The following ABCC6 variants were observed in gnomAD, a reference collection of about 807,000 sequenced individuals.
ABCC6 encodes ATP-binding cassette sub-family C member 6.
In ABCC6, 126 loss-of-function variants were observed where a neutral mutation model predicts 169.5. The observed-to-expected ratio is 0.74, with a 90% CI of 0.64 to 0.86. ABCC6 has a LOEUF of 0.86. Ranked by LOEUF, ABCC6 falls within the 40% of genes least tolerant of loss-of-function variation. The probability of loss-of-function intolerance (pLI) is 0.00; values close to 1 mark genes in which losing one functional copy is unlikely to be tolerated. For synonymous variants in ABCC6, 752 were observed against 814.7 expected, an observed-to-expected ratio of 0.92 and a Z score of 1.31; for missense variants, 1,733 against 1,927.2, an observed-to-expected ratio of 0.90 and a Z score of 1.89.
intron 27 of ABCC6, 78 bp downstream of exon 27, chr16:16,157,585 G>A: frequency 6.3e-7 from 1 of 1,581,278 alleles, no homozygotes; most frequent in Non-Finnish European, 8.6e-7. Flanking sequence ...GGTGGCTGGT[G>A]CCCAGGGTTT....
chr16:16,204,357 C>T (rs1275641323), intron 7 of ABCC6, among the ~76,000 whole-genome samples: 1 of 152,100 alleles, frequency 6.6e-6, no homozygotes, highest in East Asian at 1.9e-4. Context: ...CACCTGGCCT[C>T]TCATGTACTT....
chr16:16,152,048 C>T (rs541253480), intron 29 of ABCC6, among the ~76,000 whole-genome samples: 7 of 151,736 alleles, frequency 4.6e-5, no homozygotes, highest in African/African-American at 9.7e-5. Flanking sequence ...AAAAATTAGC[C>T]GGGCGTGGTG....
At chr16:16,213,452 T>A (rs974861010) in intron 5 of ABCC6, among the ~76,000 whole-genome samples, 4 of 152,124 alleles carry the variant, frequency 2.6e-5, no homozygotes, top group Non-Finnish European at 5.9e-5. Context: ...AAAGAATTGT[T>A]TCTTGATTTC....
At chr16:16,192,643 G>A (rs908367430) in intron 11 of ABCC6, among the ~76,000 whole-genome samples, 187 bp downstream of exon 11, 1 of 152,148 alleles carries the variant, frequency 6.6e-6, no homozygotes, top group Non-Finnish European at 1.5e-5. Flanking sequence ...TGGAGGGACG[G>A]AGCCACTGTC....
At position 16,192,888 on chromosome 16, in the gene ABCC6, A is replaced by G; in HGVS notation, c.1373T>C (p.Val458Ala). Residue 458 changes from valine to alanine, a missense_variant, in exon 11 of 31, where the codon GTC (valine) becomes GCC (alanine). By Grantham distance (64) the Val-to-Ala change is moderately conservative (BLOSUM62 0). Coordinates refer to ENST00000205557, the MANE Select transcript of ABCC6 (RefSeq NM_001171.6). The part of the protein sequence containing the change: ...LGPSALTAIA[V>A]FLSLLPLNFF... Reference sequence around the variant, plus strand: ...ATTCAGAGGGAGGAGGCTCAGGAAGACAGCGATGGCAGTGAGGGCGGAGGG... The same window carrying G: ...ATTCAGAGGGAGGAGGCTCAGGAAGGCAGCGATGGCAGTGAGGGCGGAGGG... 6.2e-7 allele frequency: 1 copy of G among 1,614,152 alleles called. No individual in the cohort carries two copies. Among genetic ancestry groups the G allele is most frequent in the Non-Finnish European group, 8.5e-7 (1 of 1,180,024 alleles).
chr16:16,171,320 G>A (rs2047058418), intron 21 of ABCC6, among the ~76,000 whole-genome samples: 1 of 152,140 alleles, frequency 6.6e-6, no homozygotes, highest in African/African-American at 2.4e-5. Context: ...CTGGCCTCAA[G>A]CAATCCTCCT....
chr16:16,214,770 A>G (rs1567543974), intron 4 of ABCC6, among the ~76,000 whole-genome samples: 2 of 152,052 alleles, frequency 1.3e-5, no homozygotes, highest in Non-Finnish European at 2.9e-5. Flanking sequence ...ATGCCTGGCT[A>G]ACTTTTTTAA....
At chr16:16,198,276 A>G (rs12935658) in intron 9 of ABCC6, 94 bp from the exon 10 acceptor site, 570,718 of 1,388,578 alleles carry the variant, frequency 0.41, 120,095 homozygotes, top group Admixed American at 0.45. Flanking sequence ...CCCACCTCAC[A>G]CGTCTGCGAG....
chr16:16,166,945 G>C (rs955980852), intron 22 of ABCC6, among the ~76,000 whole-genome samples: 8 of 152,058 alleles, frequency 5.3e-5, no homozygotes, highest in Admixed American at 3.3e-4. Context: ...CCTCCACAAA[G>C]AGTTAACACT....
chr16:16,161,330 A>AG, intron 25 of ABCC6, 108 bp downstream of exon 25: 1 of 1,536,276 alleles, frequency 6.5e-7, no homozygotes, highest in Non-Finnish European at 8.9e-7. Flanking sequence ...GGGACTCCAC[A>AG]CACCATGTTG....
rs1596595762 is a variant in ABCC6 at position 16,157,731 on chromosome 16, G to A, written c.3814C>T (p.Leu1272=). ...GGQIEFRDFG[L]RYRPELPLAV... ...AGCGGGAGCTCAGGTCGGTATCTTAGCCCAAAGTCCCGGAACTCGATCTGC... is the reference window on the plus strand; with the variant it reads ...AGCGGGAGCTCAGGTCGGTATCTTAACCCAAAGTCCCGGAACTCGATCTGC... The change falls in exon 27 of 31, where the codon CTA becomes TTA. Residue 1272 remains leucine (L), a synonymous_variant. Coordinates refer to ENST00000205557, the MANE Select transcript of ABCC6 (RefSeq NM_001171.6). 1.2e-6 allele frequency: 2 copies of A among 1,614,014 alleles called. No individual in the cohort carries two copies. Among genetic ancestry groups the A allele is most frequent in the Non-Finnish European group, 8.5e-7 (1 of 1,179,968 alleles).
Position 16,150,649 on chromosome 16 carries a change from G to A in ABCC6, c.4332C>T (p.Leu1444=), listed in dbSNP as rs559653607. The change falls in exon 30 of 31, where the codon CTC becomes CTT. Residue 1444 remains leucine, a synonymous_variant. Transcript: ENST00000205557. ...CAGTGCACTGTGCAAACCAGCTCCC[G>A]AGCATGGCCTGCATCTGCAGCTCCG... is the stretch of plus-strand genomic sequence containing the variant. ...PGTELQMQAM[L]GSWFAQCTVL... 136 of 1,613,442 alleles carry A rather than the reference G, an allele frequency of 8.4e-5. 1 individual carries two copies. Among genetic ancestry groups the A allele is most frequent in the Middle Eastern group, 8.2e-4 (5 of 6,062 alleles).
intron 14 of ABCC6, 87 bp from the exon 15 acceptor site, chr16:16,185,121 C>T (rs1017178566): frequency 8.9e-6 from 11 of 1,241,274 alleles, no homozygotes; most frequent in South Asian, 1.2e-5. Context: ...ATCCCCCGCC[C>T]CCCCCAGGGG....
At chr16:16,201,527 G>A (rs1173454758) in intron 9 of ABCC6, among the ~76,000 whole-genome samples, 1 of 152,120 alleles carries the variant, frequency 6.6e-6, no homozygotes, top group East Asian at 1.9e-4. Context: ...CATGGGAGGA[G>A]GTGACGGGAT....
intron 29 of ABCC6, among the ~76,000 whole-genome samples, chr16:16,151,337 T>G (rs959994849): frequency 6.6e-6 from 1 of 152,248 alleles, no homozygotes; most frequent in African/African-American, 2.4e-5. Context: ...ATTACAGGCG[T>G]GAGCCACTGC....
At chr16:16,152,729 G>C (rs898950379) in intron 29 of ABCC6, among the ~76,000 whole-genome samples, 2 of 148,014 alleles carry the variant, frequency 1.4e-5, no homozygotes, top group Admixed American at 6.8e-5. Context: ...GGGCGGGGGT[G>C]GGGGTGTGGG....
chr16:16,202,467 A>AC (rs202246022), intron 8 of ABCC6, among the ~76,000 whole-genome samples: 51 of 152,006 alleles, frequency 3.4e-4, no homozygotes, highest in East Asian at 1.9e-3. Context: ...TGAAGCCCCG[A>AC]CCCCCAGTAC....
In ABCC6 at chr16:16,178,896, C is replaced by T. The variant is rs114185856; in HGVS notation, c.2317G>A (p.Val773Met). The T allele has an allele frequency of 6.2e-7, 1 of 1,613,904 alleles. No individual in the cohort carries two copies. Among genetic ancestry groups the T allele is most frequent in the South Asian group, 1.1e-5 (1 of 91,084 alleles). Residue 773 changes from valine to methionine, a missense_variant, in exon 18 of 31, where the codon GTG becomes ATG. Physicochemically the swap from Val to Met is conservative, Grantham distance 21. This residue lies in a region of ABCC6 where 1,601 missense variants were observed against 1,635.5 expected (regional missense o/e 0.98). Transcript: ENST00000205557. ...GCCAGGGGGTCATCCAGCAGGTACA[C>T]AGCTGCCTTTCTGTATACAGCCCGG... ...LARAVYRKAA[V>M]YLLDDPLAAL... is the part of the protein sequence containing the mutation.
At chr16:16,175,530 C>T (rs1471636446) in intron 20 of ABCC6, among the ~76,000 whole-genome samples, 1 of 152,130 alleles carries the variant, frequency 6.6e-6, no homozygotes, top group African/African-American at 2.4e-5. Context: ...AGACCCAAGC[C>T]CTGTGCATAG....
Sources: allele counts gnomAD v4.1 joint callset (sites outside exome capture counted in the v4.1 genomes callset), GRCh38; gene constraint gnomAD v4.1.1; regional missense constraint gnomAD v4.1.1; transcripts MANE v1.5; gene names NCBI Gene and HGNC (gene_info 2026-07-23, HGNC 2026-07-21).